The following FAM20C variants were observed in gnomAD, a reference collection of about 807,000 sequenced individuals.
FAM20C encodes the protein extracellular serine/threonine protein kinase FAM20C.
A neutral mutation model predicts 51.5 loss-of-function variants in FAM20C; 40 were observed. The observed-to-expected ratio is 0.78, with a 90% CI of 0.60 to 1.01. FAM20C has a LOEUF of 1.01. Ranked by LOEUF, FAM20C falls within the 50% of genes least tolerant of loss-of-function variation. The pLI, the probability that FAM20C is intolerant of heterozygous loss-of-function variation, is 0.00. For synonymous variants in FAM20C, 406 were observed against 380.6 expected (o/e 1.07, Z -0.78); for missense variants, 861 against 844.7 (o/e 1.02, Z -0.24).
intron 3 of FAM20C, among the ~76,000 whole-genome samples, chr7:209,538 G>A (rs938036092): frequency 1.4e-5 from 2 of 147,564 alleles, no homozygotes; most frequent in African/African-American, 5.2e-5. Flanking sequence ...GCCCTGATCT[G>A]GATAAAATAG....
chr7:227,096 C>A (rs980235225), intron 3 of FAM20C, among the ~76,000 whole-genome samples: 2 of 151,840 alleles, frequency 1.3e-5, no homozygotes, highest in African/African-American at 2.4e-5. Flanking sequence ...AAAAGATTAC[C>A]CCATTTGTTG....
intron 3 of FAM20C, among the ~76,000 whole-genome samples, chr7:242,325 G>A (rs907493732): frequency 5.3e-5 from 8 of 152,224 alleles, no homozygotes; most frequent in Non-Finnish European, 1.0e-4. Context: ...GTCCGGGGAC[G>A]CGGATCTGAC....
intron 5 of FAM20C, among the ~76,000 whole-genome samples, chr7:253,665 G>A (rs573550297): frequency 4.9e-4 from 66 of 135,694 alleles, no homozygotes; most frequent in South Asian, 1.3e-3. Flanking sequence ...CTTCCCGGGC[G>A]AGGGGCTGGG....
chr7:192,666 C>A lies in FAM20C; in HGVS notation c.-534C>A, dbSNP rs1270156807. 6.8e-6 allele frequency among the ~76,000 whole-genome samples: 1 copy of A among 146,932 alleles called. No individual in the cohort carries two copies. Among genetic ancestry groups the A allele is most frequent in the East Asian group, 2.1e-4 (1 of 4,874 alleles). On this transcript the variant is annotated 5_prime_UTR_variant, in exon 1 of 10. Coordinates refer to ENST00000313766, the MANE Select transcript of FAM20C (RefSeq NM_020223.4). ...CCCCGCGCCCACCCCTTCCGCCCTT[C>A]GCCCCCCCCTTCCCCCCAGCCCCGG...
intron 2 of FAM20C, among the ~76,000 whole-genome samples, chr7:206,661 G>A (rs371735654): frequency 1.4e-4 from 9 of 62,822 alleles, no homozygotes; most frequent in Non-Finnish European, 2.5e-4. Context: ...GTGACGCGTC[G>A]GTCACTGTCC....
chr7:210,883 C>T (rs201127918), intron 3 of FAM20C, among the ~76,000 whole-genome samples: 2 of 152,160 alleles, frequency 1.3e-5, no homozygotes, highest in African/African-American at 2.4e-5. Flanking sequence ...CGGGAACCGG[C>T]GTCTCGTGGG....
chr7:259,318 C>G (rs1247325729), intron 9 of FAM20C, among the ~76,000 whole-genome samples: 1 of 152,206 alleles, frequency 6.6e-6, no homozygotes, highest in Non-Finnish European at 1.5e-5. Context: ...CAAGGGCACC[C>G]TCATCCCTTG....
At chr7:202,317 T>C (rs1160471437) in intron 2 of FAM20C, among the ~76,000 whole-genome samples, 1 of 137,664 alleles carries the variant, frequency 7.3e-6, no homozygotes, top group Non-Finnish European at 1.6e-5. Context: ...GCCCTATGGA[T>C]ATCTTCCAGT....
At chr7:251,045 C>A (rs965456193) in intron 5 of FAM20C, among the ~76,000 whole-genome samples, 4 of 152,246 alleles carry the variant, frequency 2.6e-5, no homozygotes, top group African/African-American at 9.6e-5. Context: ...AGAACATGCC[C>A]TGCCTGGCTC....
chr7:199,646 C>T (rs1006976838), intron 2 of FAM20C, among the ~76,000 whole-genome samples: 10 of 152,310 alleles, frequency 6.6e-5, no homozygotes, highest in East Asian at 5.8e-4. Flanking sequence ...ATTCATGGAG[C>T]GCCACGTGGT....
chr7:218,458 C>T (rs1787105033), intron 3 of FAM20C, among the ~76,000 whole-genome samples: 1 of 152,344 alleles, frequency 6.6e-6, no homozygotes, highest in South Asian at 2.1e-4. Flanking sequence ...ACGACCTGCT[C>T]AATGTCCTGG....
At position 258,417 on chromosome 7, in the gene FAM20C, G is replaced by A. The variant is rs1346056172; in HGVS notation, c.1446-229G>A. ...GCCCGGGATGCTGGAGATGGGTGGGGTGGACCCACTGCCTGGGGTGCTGGA... is the reference window on the plus strand; with the variant it reads ...GCCCGGGATGCTGGAGATGGGTGGGATGGACCCACTGCCTGGGGTGCTGGA... On this transcript the variant is annotated intron_variant, in intron 8 of 9. Transcript: ENST00000313766. Among the ~76,000 whole-genome samples the A allele has an allele frequency of 1.2e-3, 117 of 97,362 alleles. 12 individuals carry two copies. Among genetic ancestry groups the A allele is most frequent in the African/African-American group, 3.8e-3 (90 of 23,906 alleles). The allele number at this position is 97,362 out of a possible 152,430, so 63.9% of individuals were successfully genotyped here.
At chr7:229,600 C>T (rs893888008) in intron 3 of FAM20C, 7 of 152,296 alleles carry the variant, frequency 4.6e-5, no homozygotes, top group Non-Finnish European at 1.5e-5. Context: ...AAGACGGCCG[C>T]GTTTTGCCAA....
At chr7:193,861 T>A in intron 1 of FAM20C, 57 bp downstream of exon 1, 1 of 1,512,606 alleles carries the variant, frequency 6.6e-7, no homozygotes, top group Non-Finnish European at 8.9e-7. Flanking sequence ...CAAGGCATGG[T>A]GTAGAGAGGT....
chr7:200,253 A>C (rs1320675632), intron 2 of FAM20C, among the ~76,000 whole-genome samples: 2 of 119,402 alleles, frequency 1.7e-5, no homozygotes, highest in Non-Finnish European at 3.3e-5. Context: ...CTGCCCCTGC[A>C]GGTCACGGTC....
chr7:247,875 C>T (rs142538030), intron 4 of FAM20C, among the ~76,000 whole-genome samples: 47,271 of 152,206 alleles, frequency 0.31, 7,825 homozygotes, highest in Middle Eastern at 0.42. Flanking sequence ...CTGGTCACCT[C>T]GCCTCACAGG....
chr7:222,907 A>G (rs1383858445), intron 3 of FAM20C, among the ~76,000 whole-genome samples: 2 of 151,414 alleles, frequency 1.3e-5, no homozygotes, highest in Non-Finnish European at 2.9e-5. Context: ...AACGTGTGTA[A>G]GGGTGTGCAT....
intron 5 of FAM20C, among the ~76,000 whole-genome samples, chr7:252,418 TCGGAGGCCCTGCTGGAGCC>T: frequency 6.6e-6 from 1 of 151,094 alleles, no homozygotes; most frequent in African/African-American, 2.4e-5. Flanking sequence ...CCAGGTCATC[TCGGAGGCCCTGCTGGAGCC>T]CAGAGCACAT....
chr7:256,949 T>C, intron 7 of FAM20C, 56 bp from the exon 8 acceptor site: 1 of 1,524,246 alleles, frequency 6.6e-7, no homozygotes, highest in Non-Finnish European at 8.8e-7. Context: ...CAGAGGCCTC[T>C]GAGCTACGTG....
Sources: gnomAD v4.1 joint callset for allele counts (sites outside exome capture counted in the v4.1 genomes callset) on GRCh38, gnomAD v4.1.1 for gene constraint, MANE v1.5 for transcripts, NCBI Gene and HGNC (gene_info 2026-07-23, HGNC 2026-07-21) for gene names.